Variants in RASIP1 observed in about 807,000 individuals in gnomAD.
RASIP1 encodes the protein Ras interacting protein 1.
A neutral mutation model predicts 85.3 loss-of-function variants in RASIP1; 20 were observed. The ratio of observed to expected loss-of-function variants is 0.23; its 90% CI spans 0.17 to 0.34. The LOEUF is 0.34. RASIP1 is among the 10% of genes least tolerant of loss of function. The pLI is 1.00. For synonymous variants in RASIP1, 617 were observed against 647.1 expected, an observed-to-expected ratio of 0.95 and a Z score of 0.71; for missense variants, 1,170 against 1,390.9, an observed-to-expected ratio of 0.84 and a Z score of 2.53.
chr19:48,725,181 G>T, intron 8 of RASIP1: 1 of 538,756 alleles, frequency 1.9e-6, no homozygotes. Flanking sequence ...GTGCATTGTG[G>T]GACTTGTAGT....
rs760154453 is a variant in RASIP1 at position 48,739,386 on chromosome 19, G to C, written c.397C>G (p.Pro133Ala). Residue 133 changes from proline to alanine, a missense_variant, in exon 3 of 12, where the codon CCC (proline) becomes GCC (alanine). This residue lies in a region of RASIP1 where 299 missense variants were observed against 394.4 expected (regional missense o/e 0.76). Coordinates refer to ENST00000222145, the MANE Select transcript of RASIP1 (RefSeq NM_017805.3). The surrounding 1 kb of genome is among the most constrained non-coding windows in gnomAD (Gnocchi z 9.2). ...GCGCGGGTAGCCAGCGGGGGCTCGG[G>C]GGCCACGCCCGCCGCCAGCTCCGGC... ...KLPELAAGVA[P>A]EPPLATRATA... 5.1e-5 allele frequency: 69 copies of C among 1,343,848 alleles called. No individual in the cohort carries two copies. In the South Asian group the frequency reaches 1.1e-3, roughly 21 times the overall value. The allele number at this position is 1,343,848 out of a possible 1,614,324, so 83.2% of individuals were successfully genotyped here. A position where few individuals can be genotyped will look rare whatever the true frequency, so the allele number is the denominator to read the frequency against.
At chr19:48,725,826 G>A (rs528607582) in intron 8 of RASIP1, among the ~76,000 whole-genome samples, 1 of 152,270 alleles carries the variant, frequency 6.6e-6, no homozygotes, top group African/African-American at 2.4e-5. Flanking sequence ...CTGAAGAGTA[G>A]ACTTAGAAAG....
chr19:48,739,750 G>A lies in RASIP1; in HGVS notation c.138-105C>T, dbSNP rs2033637199. 16 of 1,070,338 alleles carry A rather than the reference G, an allele frequency of 1.5e-5. No homozygotes were observed. Among genetic ancestry groups the A allele is most frequent in the Non-Finnish European group, 1.8e-5 (15 of 851,498 alleles). The allele number at this position is 1,070,338 out of a possible 1,614,324, so 66.3% of individuals were successfully genotyped here. On this transcript the variant is annotated intron_variant, in intron 2 of 11. Transcript: ENST00000222145. This position sits in a 1 kb window ranked among gnomAD's most constrained non-coding sequence, Gnocchi z 9.2. ...AGGGAAGTGGGCAGAGACCCAGAGG[G>A]AGGACAGGGACCCAGGGTGGATGGA...
intron 4 of RASIP1, among the ~76,000 whole-genome samples, chr19:48,734,213 T>A (rs2033521420): frequency 6.6e-6 from 1 of 151,468 alleles, no homozygotes; most frequent in African/African-American, 2.4e-5. Context: ...GAGAATGGCG[T>A]GAACCCAGGA....
chr19:48,739,416 T>C lies in RASIP1; in HGVS notation c.367A>G (p.Lys123Glu), dbSNP rs1291629847. The C allele has an allele frequency of 5.8e-6, 8 of 1,390,972 alleles. No homozygotes were observed. In the East Asian group the frequency reaches 2.5e-4, roughly 43 times the overall value. The allele number at this position is 1,390,972 out of a possible 1,614,324, so 86.2% of individuals were successfully genotyped here. The change falls in exon 3 of 12, where the codon AAG becomes GAG. Residue 123 changes from lysine (K) to glutamate (E), a missense_variant. This residue lies in a region of RASIP1 where 299 missense variants were observed against 394.4 expected (regional missense o/e 0.76). Coordinates refer to ENST00000222145, the MANE Select transcript of RASIP1 (RefSeq NM_017805.3). This position sits in a 1 kb window ranked among gnomAD's most constrained non-coding sequence, Gnocchi z 9.2. ...ACGCCCGCCGCCAGCTCCGGCAGCT[T>C]CTTCTCGCTGGCCCAGCGCTGCGCG... is the stretch of plus-strand genomic sequence containing the variant. ...GGAQRWASEKKLPELAAGVAP... is the reference protein window; with the variant it reads ...GGAQRWASEKELPELAAGVAP...
At chr19:48,722,286 G>T (rs76451837) in intron 10 of RASIP1, among the ~76,000 whole-genome samples, 1,655 of 150,522 alleles carry the variant, frequency 0.011, 44 homozygotes, top group African/African-American at 0.037. Context: ...TGAATCTGGC[G>T]ATGGTACTTG....
chr19:48,737,506 T>C, intron 3 of RASIP1: 1 of 985,274 alleles, frequency 1.0e-6, no homozygotes, highest in Non-Finnish European at 1.2e-6. Context: ...TTCAGCCCCT[T>C]CCTTTCCCAT....
intron 4 of RASIP1, among the ~76,000 whole-genome samples, chr19:48,732,062 C>A (rs1451673003): frequency 7.5e-6 from 1 of 133,372 alleles, no homozygotes; most frequent in Admixed American, 7.5e-5. Flanking sequence ...TTTTTTTAAT[C>A]TCTTTTTTTT....
At position 48,740,355 on chromosome 19, in the gene RASIP1, A is replaced by AGGGAAC; in HGVS notation, c.-4-70_-4-69insGTTCCC. On this transcript the variant is annotated intron_variant, in intron 1 of 11. Transcript: ENST00000222145. The surrounding 1 kb of genome is among the most constrained non-coding windows in gnomAD (Gnocchi z 5.5). ...TGGGGATGGGGTGGAGGGAACCTGG[A>AGGGAAC]CTCCGAGTCAGAGGGAGGAGGGGGC... 6.6e-7 allele frequency: 1 copy of AGGGAAC among 1,504,906 alleles called. No individual in the cohort carries two copies. Among genetic ancestry groups the AGGGAAC allele is most frequent in the Non-Finnish European group, 8.9e-7 (1 of 1,125,120 alleles). 93.2% of individuals were successfully genotyped at this position (1,504,906 alleles called of 1,614,324 possible).
Position 48,739,282 on chromosome 19 carries a change from C to G in RASIP1, c.501G>C (p.Thr167=). ...SGANYKSVLA[T]ARSTARELVA... ...CGAGCTCGCGCGCCGTGGAGCGCGC[C>G]GTGGCCAGCACGCTCTTGTAGTTGG... Residue 167 remains threonine, a synonymous_variant, in exon 3 of 12, where the codon ACG becomes ACC. Coordinates refer to ENST00000222145, the MANE Select transcript of RASIP1 (RefSeq NM_017805.3). This position sits in a 1 kb window ranked among gnomAD's most constrained non-coding sequence, Gnocchi z 9.2. 2 of 1,465,212 alleles carry G rather than the reference C, an allele frequency of 1.4e-6. No individual in the cohort carries two copies. The highest frequency in any genetic ancestry group is 1.8e-6 in the Non-Finnish European group (2 of 1,117,142). 90.8% of individuals were successfully genotyped at this position (1,465,212 alleles called of 1,614,324 possible).
At chr19:48,730,552 G>A (rs1599741470) in intron 4 of RASIP1, among the ~76,000 whole-genome samples, 1 of 152,144 alleles carries the variant, frequency 6.6e-6, no homozygotes, top group Admixed American at 6.5e-5. Flanking sequence ...AATGAACTGT[G>A]CAACTACCCT....
rs1228786660 is a variant in RASIP1 at position 48,729,044 on chromosome 19, C to G, written c.1726G>C (p.Ala576Pro). The G allele has an allele frequency of 2.8e-6, 4 of 1,403,536 alleles. No individual in the cohort carries two copies. The highest frequency in any genetic ancestry group is 3.7e-6 in the Non-Finnish European group (4 of 1,088,050). 86.9% of individuals were successfully genotyped at this position (1,403,536 alleles called of 1,614,324 possible). ...GSGDLPPLGPATLLALCVQHS... is the reference protein window; with the variant it reads ...GSGDLPPLGPPTLLALCVQHS... Reference sequence around the variant, plus strand: ...TGCACGCACAGCGCCAGCAGCGTGGCGGGCCCGAGGGGCGGCAGGTCTCCC... The same window carrying G: ...TGCACGCACAGCGCCAGCAGCGTGGGGGGCCCGAGGGGCGGCAGGTCTCCC... The change falls in exon 5 of 12, where the codon GCC becomes CCC. Residue 576 changes from alanine (A) to proline (P), a missense_variant. By Grantham distance (27) the Ala-to-Pro change is conservative (BLOSUM62 -1). Around this residue, in one of 4 missense-constraint regions of RASIP1, gnomAD observed 426 missense variants for 576.2 expected, o/e 0.74. Transcript: ENST00000222145.
chr19:48,733,436 G>A (rs1317659883), intron 4 of RASIP1, among the ~76,000 whole-genome samples: 1 of 152,202 alleles, frequency 6.6e-6, no homozygotes, highest in Non-Finnish European at 1.5e-5. Context: ...ATGTAAAATA[G>A]ATAGAAGGAT....
chr19:48,736,079 G>C (rs904041993), intron 3 of RASIP1, among the ~76,000 whole-genome samples: 1 of 151,562 alleles, frequency 6.6e-6, no homozygotes, highest in African/African-American at 2.4e-5. Context: ...AAAGTGCTGG[G>C]ATTACAGGCA....
At position 48,739,075 on chromosome 19, in the gene RASIP1, C is replaced by T; in HGVS notation, c.708G>A (p.Leu236=). 2 of 1,292,330 alleles carry T rather than the reference C, an allele frequency of 1.5e-6. No homozygotes were observed. Among genetic ancestry groups the T allele is most frequent in the African/African-American group, 1.6e-5 (1 of 64,376 alleles). The allele number at this position is 1,292,330 out of a possible 1,614,324, so 80.1% of individuals were successfully genotyped here. A position where few individuals can be genotyped will look rare whatever the true frequency, so the allele number is the denominator to read the frequency against. The change falls in exon 3 of 12, where the codon CTG becomes CTA. Residue 236 remains leucine, a synonymous_variant. Coordinates refer to ENST00000222145, the MANE Select transcript of RASIP1 (RefSeq NM_017805.3). The surrounding 1 kb of genome is among the most constrained non-coding windows in gnomAD (Gnocchi z 9.2). ...LRVLGDSERP[L]LVQELWRARP... ...GCGCCCGCCACAGCTCCTGCACCAGCAGCGGGCGCTCGGAGTCGCCCAGCA... is the reference window on the plus strand; with the variant it reads ...GCGCCCGCCACAGCTCCTGCACCAGTAGCGGGCGCTCGGAGTCGCCCAGCA...
Position 48,738,715 on chromosome 19 carries a change from C to G in RASIP1, c.823+245G>C. ...CCCGCCTAAGCCCCAAGCTTGGCCC[C>G]TGTAAAACTCCTGCTCAATCAACAA... On this transcript the variant is annotated intron_variant, in intron 3 of 11. Coordinates refer to ENST00000222145, the MANE Select transcript of RASIP1 (RefSeq NM_017805.3). The surrounding 1 kb of genome is among the most constrained non-coding windows in gnomAD (Gnocchi z 4.0). 2.7e-6 allele frequency: 1 copy of G among 376,448 alleles called. No individual in the cohort carries two copies. 23.3% of individuals were successfully genotyped at this position (376,448 alleles called of 1,614,324 possible). A position where few individuals can be genotyped will look rare whatever the true frequency, so the allele number is the denominator to read the frequency against.
Position 48,720,869 on chromosome 19 carries a change from G to A in RASIP1, c.2821C>T (p.Leu941Phe), listed in dbSNP as rs770947821. 6.2e-7 allele frequency: 1 copy of A among 1,614,092 alleles called. No homozygotes were observed. Among genetic ancestry groups the A allele is most frequent in the Non-Finnish European group, 8.5e-7 (1 of 1,180,028 alleles). Residue 941 changes from leucine to phenylalanine, a missense_variant, in exon 12 of 12, where the codon CTC becomes TTC. Coordinates refer to ENST00000222145, the MANE Select transcript of RASIP1 (RefSeq NM_017805.3). ...HRELRRLRRL[L>F]WDLEQQELPA... ...AGCTCCTGCTGCTCAAGATCCCAGA[G>A]GAGGCGGCGGAGCCTACGGAGTTCA...
rs143439573 is a variant in RASIP1, at chr19:48,731,422, A to G, written c.1180-1832T>C. On this transcript the variant is annotated intron_variant, in intron 4 of 11. Transcript: ENST00000222145. ...ATCAATGGACGTTCTCAATATTCCA[A>G]TCCCCAAAAAGGACATCTCCAAAAA... Among the ~76,000 whole-genome samples, 1,332 of 152,248 alleles carry G rather than the reference A, an allele frequency of 8.7e-3. 22 individuals carry two copies. Among genetic ancestry groups the G allele is most frequent in the African/African-American group, 0.03 (1,261 of 41,534 alleles).
In RASIP1 at chr19:48,724,289, G is replaced by C; in HGVS notation, c.2544+48C>G. 1 of 1,578,032 alleles carries C rather than the reference G, an allele frequency of 6.3e-7. No individual in the cohort carries two copies. Among genetic ancestry groups the C allele is most frequent in the Non-Finnish European group, 8.7e-7 (1 of 1,155,736 alleles). On this transcript the variant is annotated intron_variant, in intron 10 of 11. Coordinates refer to ENST00000222145, the MANE Select transcript of RASIP1 (RefSeq NM_017805.3). The surrounding 1 kb of genome is among the most constrained non-coding windows in gnomAD (Gnocchi z 4.6). ...TGAATATAGAAGGTGGCTGAGGGGG[G>C]TTGAGGAGTCAGAGGTCAGGGGTCA... is the stretch of plus-strand genomic sequence containing the variant.
Sources: gnomAD v4.1 joint callset for allele counts (sites outside exome capture counted in the v4.1 genomes callset) on GRCh38, gnomAD v4.1.1 for gene constraint, gnomAD v4.1.1 regional missense constraint, Gnocchi (gnomAD v3.1) non-coding constraint, MANE v1.5 for transcripts, NCBI Gene and HGNC (gene_info 2026-07-23, HGNC 2026-07-21) for gene names.